The following RASA2 variants were observed in gnomAD, a reference collection of about 807,000 sequenced individuals.
RASA2 encodes ras GTPase-activating protein 2.
Under a neutral mutation model 118.2 loss-of-function variants are expected in RASA2, and 155 were observed. The observed-to-expected ratio is 1.31, with a 90% CI of 1.15 to 1.50. The LOEUF is 1.50. RASA2 is among the 40% of genes most tolerant of loss of function. RASA2 has a pLI of 0.00. For missense variants in RASA2, 1,016 were observed against 1,009.6 expected (o/e 1.01, Z -0.09); for synonymous variants, 353 against 349.1 (o/e 1.01, Z -0.12).
intron 19 of RASA2, among the ~76,000 whole-genome samples, chr3:141,589,926 A>C (rs1560054863): frequency 6.6e-6 from 1 of 152,192 alleles, no homozygotes; most frequent in Non-Finnish European, 1.5e-5. Context: ...AGGCTACTAG[A>C]GGTATAAAAC....
At chr3:141,503,120 G>C (rs112051277) in intron 1 of RASA2, among the ~76,000 whole-genome samples, 184 of 152,220 alleles carry the variant, frequency 1.2e-3, no homozygotes, top group African/African-American at 4.2e-3. Context: ...ATTTAACACT[G>C]TCTTGGAGCA....
intron 1 of RASA2, among the ~76,000 whole-genome samples, chr3:141,501,034 C>G (rs2081771328): frequency 6.6e-6 from 1 of 152,118 alleles, no homozygotes; most frequent in Non-Finnish European, 1.5e-5. Flanking sequence ...CACTCAAAAT[C>G]ATTTTGCCAG....
At chr3:141,496,091 G>A (rs894818882) in intron 1 of RASA2, among the ~76,000 whole-genome samples, 3 of 152,198 alleles carry the variant, frequency 2.0e-5, no homozygotes, top group African/African-American at 7.2e-5. Context: ...GAGTTAGCCG[G>A]TGCTGGGAAA....
intron 3 of RASA2, among the ~76,000 whole-genome samples, chr3:141,524,147 C>T (rs1463286442): frequency 6.6e-6 from 1 of 152,174 alleles, no homozygotes; most frequent in African/African-American, 2.4e-5. Context: ...CTGAGTGGCT[C>T]GGCTGGTCTC....
chr3:141,606,107 C>CT (rs2083544387), intron 19 of RASA2, among the ~76,000 whole-genome samples: 2 of 152,184 alleles, frequency 1.3e-5, no homozygotes, highest in Admixed American at 1.3e-4. Context: ...TGATGTATGT[C>CT]TGAGTGCCCC....
Position 141,581,114 on chromosome 3 carries a change from G to A in RASA2, c.1689G>A (p.Glu563=), listed in dbSNP as rs748039186. ...SLSKSKSSFK[E]TFMCEFFKMF... ...TTTTTTCTTAGTCAAGTTTCAAAGA[G>A]ACATTCATGTGTGAATTTTTCAAAA... The change falls in exon 17 of 24, where the codon GAG becomes GAA. Residue 563 remains glutamate, a synonymous_variant. Coordinates refer to ENST00000286364, the MANE Select transcript of RASA2 (RefSeq NM_006506.5). The A allele has an allele frequency of 1.1e-4, 171 of 1,536,534 alleles. No homozygotes were observed. Among genetic ancestry groups the A allele is most frequent in the Non-Finnish European group, 1.5e-4 (167 of 1,149,824 alleles).
At chr3:141,544,095 C>G (rs1056772911) in intron 5 of RASA2, among the ~76,000 whole-genome samples, 10 of 152,000 alleles carry the variant, frequency 6.6e-5, no homozygotes, top group Non-Finnish European at 1.3e-4. Context: ...AGGCTGCTCT[C>G]GAACTCCTGG....
At chr3:141,599,412 C>A (rs139540475) in intron 19 of RASA2, among the ~76,000 whole-genome samples, 20 of 152,184 alleles carry the variant, frequency 1.3e-4, no homozygotes, top group African/African-American at 4.8e-4. Context: ...CACCCTCTCA[C>A]GTGCACAGAT....
rs762253696 is a variant in RASA2, at chr3:141,571,392, C to G, written c.1021-14C>G. 1 of 1,605,598 alleles carries G rather than the reference C, an allele frequency of 6.2e-7. No homozygotes were observed. Among genetic ancestry groups the G allele is most frequent in the Non-Finnish European group, 8.5e-7 (1 of 1,176,788 alleles). On this transcript the variant is annotated splice_polypyrimidine_tract_variant and intron_variant, in intron 10 of 23. Coordinates refer to ENST00000286364, the MANE Select transcript of RASA2 (RefSeq NM_006506.5). ...CTTGATGTTTGTGCTTGTTTTCTACCTTTCTGTATTTAGCCAATATCTGCC... is the reference window on the plus strand; with the variant it reads ...CTTGATGTTTGTGCTTGTTTTCTACGTTTCTGTATTTAGCCAATATCTGCC...
intron 1 of RASA2, among the ~76,000 whole-genome samples, chr3:141,500,421 G>A (rs1226639098): frequency 6.6e-6 from 1 of 152,140 alleles, no homozygotes; most frequent in Admixed American, 6.5e-5. Context: ...TATTTTTTAA[G>A]TGTGTGAAAA....
At chr3:141,588,791 A>G (rs565907166) in intron 19 of RASA2, among the ~76,000 whole-genome samples, 2 of 152,260 alleles carry the variant, frequency 1.3e-5, no homozygotes, top group South Asian at 4.1e-4. Context: ...TACATACTCA[A>G]ATAACTAAAA....
At chr3:141,595,939 G>A (rs2083359254) in intron 19 of RASA2, among the ~76,000 whole-genome samples, 1 of 152,170 alleles carries the variant, frequency 6.6e-6, no homozygotes, top group Non-Finnish European at 1.5e-5. Context: ...TATTTTAATA[G>A]TCTTCTCTCA....
chr3:141,609,647 T>G (rs1386231572), intron 22 of RASA2, 124 bp downstream of exon 22: 30 of 890,220 alleles, frequency 3.4e-5, no homozygotes, highest in Non-Finnish European at 4.7e-5. Context: ...TTATTGAAAG[T>G]TGACAAACCC....
intron 3 of RASA2, among the ~76,000 whole-genome samples, chr3:141,524,468 TA>T: frequency 6.6e-6 from 1 of 152,144 alleles, no homozygotes; most frequent in Non-Finnish European, 1.5e-5. Flanking sequence ...CCTCGTACAC[TA>T]AGGCTTCGAA....
intron 9 of RASA2, among the ~76,000 whole-genome samples, chr3:141,562,859 G>T (rs1234794636): frequency 6.6e-6 from 1 of 151,928 alleles, no homozygotes; most frequent in African/African-American, 2.4e-5. Flanking sequence ...TTTTAGTAGA[G>T]ATGGGGTTTC....
At position 141,609,394 on chromosome 3, in the gene RASA2, T is replaced by C. The variant is rs548293548; in HGVS notation, c.2226-26T>C. The C allele has an allele frequency of 3.9e-5, 54 of 1,381,920 alleles. 1 individual carries two copies. In the East Asian group the frequency reaches 1.1e-3, roughly 28 times the overall value. The allele number at this position is 1,381,920 out of a possible 1,614,324, so 85.6% of individuals were successfully genotyped here. ...TTAACAAAATAAAATTTGTATAATA[T>C]CTTTATTTTTTTATTTTTACCATAG... On this transcript the variant is annotated intron_variant, in intron 21 of 23. Transcript: ENST00000286364.
At chr3:141,550,268 A>G (rs538009309) in intron 5 of RASA2, among the ~76,000 whole-genome samples, 2 of 152,230 alleles carry the variant, frequency 1.3e-5, no homozygotes, top group South Asian at 2.1e-4. Context: ...TCCCAATAGG[A>G]TGCATTGAGA....
intron 8 of RASA2, 55 bp from the exon 9 acceptor site, chr3:141,559,839 T>C (rs2082704006): frequency 7.1e-7 from 1 of 1,403,270 alleles, no homozygotes; most frequent in African/African-American, 1.4e-5. Flanking sequence ...TGTTTTGTGG[T>C]GTGAACTCTC....
At chr3:141,518,659 T>G (rs1391376327) in intron 3 of RASA2, among the ~76,000 whole-genome samples, 3 of 151,858 alleles carry the variant, frequency 2.0e-5, no homozygotes, top group Non-Finnish European at 4.4e-5. Context: ...TTCTATGTTT[T>G]TTTGATAAAC....
Sources: allele counts gnomAD v4.1 joint callset (sites outside exome capture counted in the v4.1 genomes callset), GRCh38; gene constraint gnomAD v4.1.1; transcripts MANE v1.5; gene names NCBI Gene and HGNC (gene_info 2026-07-23, HGNC 2026-07-21).